CSMD1: variants seen among roughly 807,000 people sequenced by gnomAD.
The protein encoded by CSMD1 is CUB and Sushi multiple domains 1.
A neutral mutation model predicts 417.5 loss-of-function variants in CSMD1; 213 were observed. The observed-to-expected ratio is 0.51, with a 90% CI of 0.46 to 0.57. The LOEUF (loss-of-function observed/expected upper bound fraction) is 0.57. Among genes scored for constraint, CSMD1 ranks in the 20% least tolerant of loss-of-function variants. The pLI, the probability that CSMD1 is intolerant of heterozygous loss-of-function variation, is 0.00. For missense variants in CSMD1, 6,923 were observed against 4,529.7 expected (o/e 1.53, Z -15.17); for synonymous variants, 2,862 against 1,736.8 (o/e 1.65, Z -16.11).
chr8:3,684,140 T>C (rs1341179129), intron 7 of CSMD1, among the ~76,000 whole-genome samples: 1 of 123,626 alleles, frequency 8.1e-6, no homozygotes, highest in East Asian at 2.2e-4. Context: ...TAATATATAA[T>C]GCCTATATGT....
At chr8:4,395,866 C>G (rs1167251564) in intron 3 of CSMD1, among the ~76,000 whole-genome samples, 1 of 152,152 alleles carries the variant, frequency 6.6e-6, no homozygotes, top group Non-Finnish European at 1.5e-5. Context: ...CCATTACAGT[C>G]TTTAATTCGG....
intron 2 of CSMD1, among the ~76,000 whole-genome samples, chr8:4,444,197 C>T (rs937208757): frequency 1.3e-5 from 2 of 151,650 alleles, no homozygotes; most frequent in African/African-American, 2.4e-5. Flanking sequence ...TAAAAACTAG[C>T]CAGGCATGGT....
chr8:3,505,136 T>A (rs548729666), intron 10 of CSMD1, among the ~76,000 whole-genome samples: 1 of 152,180 alleles, frequency 6.6e-6, no homozygotes, highest in African/African-American at 2.4e-5. Flanking sequence ...CAGTAAATTA[T>A]TGAAATCTGC....
At chr8:3,252,339 G>T (rs145857398) in intron 26 of CSMD1, among the ~76,000 whole-genome samples, 1 of 152,082 alleles carries the variant, frequency 6.6e-6, no homozygotes, top group Non-Finnish European at 1.5e-5. Context: ...TTTGTCTTTG[G>T]TTCTGTTTAT....
intron 25 of CSMD1, among the ~76,000 whole-genome samples, chr8:3,305,934 C>T (rs2117373880): frequency 6.6e-6 from 1 of 152,272 alleles, no homozygotes; most frequent in African/African-American, 2.4e-5. Flanking sequence ...CCTGCCTTGG[C>T]CTCCCAAGGT....
At chr8:3,872,411 C>G (rs1485085412) in intron 5 of CSMD1, among the ~76,000 whole-genome samples, 1 of 152,150 alleles carries the variant, frequency 6.6e-6, no homozygotes, top group African/African-American at 2.4e-5. Flanking sequence ...TACTACCTTC[C>G]TGAAGTGTCC....
intron 1 of CSMD1, among the ~76,000 whole-genome samples, chr8:4,919,846 C>A (rs1157204673): frequency 6.6e-6 from 1 of 152,062 alleles, no homozygotes; most frequent in East Asian, 1.9e-4. Context: ...GCCCTTTCAC[C>A]TTCTTTCATG....
chr8:3,222,321 A>ATT (rs113195688), intron 28 of CSMD1, among the ~76,000 whole-genome samples: 14,955 of 148,900 alleles, frequency 0.1, 937 homozygotes, highest in African/African-American at 0.18. Context: ...GTTCAATTTC[A>ATT]TTTTTTTTTT....
chr8:3,755,294 G>T (rs13264640), intron 5 of CSMD1, among the ~76,000 whole-genome samples: 1 of 152,018 alleles, frequency 6.6e-6, no homozygotes, highest in Admixed American at 6.6e-5. Context: ...GTTACCCATT[G>T]TATAAACTGG....
At chr8:4,705,979 G>T (rs1807912948) in intron 1 of CSMD1, among the ~76,000 whole-genome samples, 1 of 151,616 alleles carries the variant, frequency 6.6e-6, no homozygotes, top group Admixed American at 6.6e-5. Context: ...TGCTTAGGAT[G>T]ACCTTTATGA....
intron 25 of CSMD1, among the ~76,000 whole-genome samples, chr8:3,304,247 G>C (rs1804639648): frequency 6.6e-6 from 1 of 152,058 alleles, no homozygotes; most frequent in Non-Finnish European, 1.5e-5. Context: ...TATGACTGAT[G>C]TATTTCTCAT....
intron 1 of CSMD1, among the ~76,000 whole-genome samples, chr8:4,738,672 TAA>T (rs537691043): frequency 1.8e-4 from 27 of 151,914 alleles, no homozygotes; most frequent in African/African-American, 6.5e-4. Context: ...TTTGACAAAG[TAA>T]AAAAAATCAG....
intron 10 of CSMD1, among the ~76,000 whole-genome samples, chr8:3,513,424 T>C (rs986241329): frequency 5.3e-5 from 8 of 151,496 alleles, no homozygotes; most frequent in Non-Finnish European, 1.2e-4. Context: ...CCTCCCAGGA[T>C]CAAGCATTCT....
At chr8:3,054,845 C>G (rs1812110398) in intron 49 of CSMD1, among the ~76,000 whole-genome samples, 1 of 152,176 alleles carries the variant, frequency 6.6e-6, no homozygotes, top group African/African-American at 2.4e-5. Context: ...ATCTTTGGCT[C>G]TGTGGAAGCA....
At chr8:3,961,757 T>G (rs1159728247) in intron 5 of CSMD1, among the ~76,000 whole-genome samples, 1 of 152,236 alleles carries the variant, frequency 6.6e-6, no homozygotes, top group African/African-American at 2.4e-5. Flanking sequence ...CGGTCTTTCA[T>G]GATGAAGGCA....
At chr8:4,205,052 T>C (rs1297363935) in intron 3 of CSMD1, among the ~76,000 whole-genome samples, 1 of 152,208 alleles carries the variant, frequency 6.6e-6, no homozygotes, top group Non-Finnish European at 1.5e-5. Context: ...TCTATTTTTT[T>C]CATAACAATG....
chr8:3,672,704 T>C lies in CSMD1; in HGVS notation c.1009+35710A>G, dbSNP rs545596635. 1.5e-4 allele frequency among the ~76,000 whole-genome samples: 23 copies of C among 152,264 alleles called. No homozygotes were observed. In the South Asian group the frequency reaches 3.5e-3, roughly 23 times the overall value. ...CCAAGGCTGTCTCCAGTGATGGGCA[T>C]GGTGGTGGTTTGAAATTGGCCATGG... is the stretch of plus-strand genomic sequence containing the variant. On this transcript the variant is annotated intron_variant, in intron 7 of 69. Coordinates refer to ENST00000635120, the MANE Select transcript of CSMD1 (RefSeq NM_033225.6).
At chr8:4,838,530 T>C (rs538029426) in intron 1 of CSMD1, among the ~76,000 whole-genome samples, 13 of 152,338 alleles carry the variant, frequency 8.5e-5, no homozygotes, top group African/African-American at 2.6e-4. Flanking sequence ...GGCAAAGCAT[T>C]TACTCCGCTT....
intron 5 of CSMD1, among the ~76,000 whole-genome samples, chr8:3,872,238 G>GT (rs1805526628): frequency 6.6e-6 from 1 of 152,134 alleles, no homozygotes; most frequent in African/African-American, 2.4e-5. Flanking sequence ...CGTTGTTGTT[G>GT]TTTTTAGGGA....
Sources: gnomAD v4.1 joint callset for allele counts (sites outside exome capture counted in the v4.1 genomes callset) on GRCh38, gnomAD v4.1.1 for gene constraint, MANE v1.5 for transcripts, NCBI Gene and HGNC (gene_info 2026-07-23, HGNC 2026-07-21) for gene names.